ASPH: variants seen among roughly 807,000 people sequenced by gnomAD.
ASPH encodes the protein aspartyl/asparaginyl beta-hydroxylase.
In ASPH, 100 loss-of-function variants were observed where a neutral mutation model predicts 118.4. That is an observed-to-expected ratio of 0.84 (90% CI 0.72 to 1.00). The LOEUF is 1.00. Among genes scored for constraint, ASPH ranks in the 50% least tolerant of loss-of-function variants. The pLI is 0.00. For missense variants in ASPH, 920 were observed against 919.5 expected (o/e 1.00, Z -0.01); for synonymous variants, 315 against 325.6 (o/e 0.97, Z 0.35).
intron 3 of ASPH, among the ~76,000 whole-genome samples, chr8:61,671,775 C>A (rs1180042533): frequency 6.6e-6 from 1 of 152,296 alleles, no homozygotes; most frequent in East Asian, 1.9e-4. Flanking sequence ...CTGCCTCAGG[C>A]CATTATTCTA....
At chr8:61,550,287 C>T (rs1184288098) in intron 20 of ASPH, among the ~76,000 whole-genome samples, 1 of 152,018 alleles carries the variant, frequency 6.6e-6, no homozygotes, top group Non-Finnish European at 1.5e-5. Context: ...GTCTAATCAG[C>T]AATTAGGAAT....
At chr8:61,625,452 G>T (rs1852413070) in intron 13 of ASPH, 1 of 985,208 alleles carries the variant, frequency 1.0e-6, no homozygotes, top group Non-Finnish European at 1.2e-6. Flanking sequence ...ATTTATACAG[G>T]TTTTCTAAAA....
In ASPH at chr8:61,714,200, G is replaced by A. The variant is rs916859163; in HGVS notation, c.103+69C>T. 1.5e-5 allele frequency: 20 copies of A among 1,355,306 alleles called. No homozygotes were observed. In the Admixed American group the frequency reaches 3.0e-4, roughly 21 times the overall value. 84.0% of individuals were successfully genotyped at this position (1,355,306 alleles called of 1,614,324 possible). On this transcript the variant is annotated intron_variant, in intron 1 of 24. Coordinates refer to ENST00000379454, the MANE Select transcript of ASPH (RefSeq NM_004318.4). Reference sequence around the variant, plus strand: ...GGACCTGGGGAGATGCACCCGCAGCGTCCGCCGCGCCAGCCGGCTCCCTAC... The same window carrying A: ...GGACCTGGGGAGATGCACCCGCAGCATCCGCCGCGCCAGCCGGCTCCCTAC...
At chr8:61,629,579 C>A (rs142653536) in intron 13 of ASPH, among the ~76,000 whole-genome samples, 1 of 152,178 alleles carries the variant, frequency 6.6e-6, no homozygotes, top group South Asian at 2.1e-4. Context: ...CACATGCTTG[C>A]CAAGAATCCA....
intron 1 of ASPH, among the ~76,000 whole-genome samples, chr8:61,689,318 T>C (rs769973305): frequency 3.3e-5 from 5 of 152,056 alleles, no homozygotes; most frequent in Non-Finnish European, 7.4e-5. Flanking sequence ...TCCTATAATT[T>C]TATATAAAAT....
At chr8:61,618,855 C>A (rs990786168) in intron 14 of ASPH, 123 bp downstream of exon 14, 7 of 795,710 alleles carry the variant, frequency 8.8e-6, no homozygotes, top group Non-Finnish European at 1.4e-5. Flanking sequence ...ATTGAAATAA[C>A]AAACCCAGGA....
intron 3 of ASPH, chr8:61,662,699 T>C (rs932468375): frequency 9.8e-6 from 3 of 307,524 alleles, no homozygotes; most frequent in East Asian, 1.7e-4. Flanking sequence ...AGAAGAGAGA[T>C]GGGAAAAAAT....
chr8:61,523,637 A>G (rs1445517737), intron 22 of ASPH, among the ~76,000 whole-genome samples: 1 of 152,112 alleles, frequency 6.6e-6, no homozygotes, highest in African/African-American at 2.4e-5. Context: ...TCTTTAAACT[A>G]TGAATTTGTT....
Position 61,503,490 on chromosome 8 carries a change from C to T in ASPH, c.2146G>A (p.Val716Met), listed in dbSNP as rs1227618857. Residue 716 changes from valine to methionine, a missense_variant, in exon 25 of 25, where the codon GTG (valine) becomes ATG (methionine). Physicochemically the swap from Val to Met is conservative, Grantham distance 21. Transcript: ENST00000379454. ...TCAAAGGAGTCATCAAAGATGAGCA[C>T]CTTGCCTTCCTCCCAGGTCCTGCAG... Reference protein sequence around the residue: ...NETKTWEEGKVLIFDDSFEHE... With the variant: ...NETKTWEEGKMLIFDDSFEHE... 2.5e-6 allele frequency: 4 copies of T among 1,611,504 alleles called. No individual in the cohort carries two copies. The highest frequency in any genetic ancestry group is 3.3e-5 in the Admixed American group (2 of 59,730).
At chr8:61,609,219 T>C (rs914148741) in intron 14 of ASPH, among the ~76,000 whole-genome samples, 2 of 152,208 alleles carry the variant, frequency 1.3e-5, no homozygotes, top group African/African-American at 4.8e-5. Flanking sequence ...ATTCCAGTAC[T>C]TTGAGGATCC....
chr8:61,552,991 T>C (rs1182833609), intron 20 of ASPH, 40 bp downstream of exon 20: 1 of 1,457,094 alleles, frequency 6.9e-7, no homozygotes, highest in East Asian at 2.3e-5. Context: ...CCCAACTCCA[T>C]CCTCTGTTAG....
At chr8:61,512,277 C>CAGATTGAA (rs1371032547) in intron 24 of ASPH, among the ~76,000 whole-genome samples, 2 of 152,072 alleles carry the variant, frequency 1.3e-5, no homozygotes, top group African/African-American at 4.8e-5. Context: ...AAGATCTTTG[C>CAGATTGAA]AGATTGAATT....
chr8:61,600,781 A>AT (rs1255865198), intron 14 of ASPH, among the ~76,000 whole-genome samples: 2 of 151,518 alleles, frequency 1.3e-5, no homozygotes, highest in African/African-American at 4.9e-5. Flanking sequence ...AATACTCCCA[A>AT]TTAAATGCCA....
At chr8:61,626,246 G>A in intron 13 of ASPH, 3 of 1,547,978 alleles carry the variant, frequency 1.9e-6, no homozygotes, top group Non-Finnish European at 1.7e-6. Context: ...GTCCTCCTGT[G>A]GTGGTAGGGG....
At chr8:61,504,958 G>A (rs1805864132) in intron 24 of ASPH, among the ~76,000 whole-genome samples, 1 of 151,854 alleles carries the variant, frequency 6.6e-6, no homozygotes, top group Non-Finnish European at 1.5e-5. Context: ...CCTCCACCCA[G>A]TGTGCTATCT....
intron 3 of ASPH, among the ~76,000 whole-genome samples, chr8:61,669,312 A>T (rs1821245778): frequency 6.6e-6 from 1 of 152,198 alleles, no homozygotes; most frequent in Non-Finnish European, 1.5e-5. Context: ...AATTGAGGTC[A>T]TCCATTCGAG....
intron 14 of ASPH, among the ~76,000 whole-genome samples, chr8:61,611,711 G>C (rs1164589991): frequency 6.6e-6 from 1 of 152,200 alleles, no homozygotes; most frequent in Non-Finnish European, 1.5e-5. Flanking sequence ...CAAAATCTGA[G>C]TATGAATTCT....
chr8:61,647,628 G>C (rs921337500), intron 5 of ASPH, among the ~76,000 whole-genome samples: 13 of 152,012 alleles, frequency 8.6e-5, no homozygotes, highest in Non-Finnish European at 5.9e-5. Context: ...CCAAGATGGT[G>C]CCACTGCACT....
intron 13 of ASPH, chr8:61,626,339 G>A: frequency 7.1e-7 from 1 of 1,403,750 alleles, no homozygotes; most frequent in Non-Finnish European, 9.3e-7. Context: ...CTGTGAAACT[G>A]CTTCATTTTC....
Sources: gnomAD v4.1 joint callset for allele counts (sites outside exome capture counted in the v4.1 genomes callset) on GRCh38, gnomAD v4.1.1 for gene constraint, MANE v1.5 for transcripts, NCBI Gene and HGNC (gene_info 2026-07-23, HGNC 2026-07-21) for gene names.